The following MREG variants were observed in gnomAD, a reference collection of about 807,000 sequenced individuals.
MREG encodes dilute suppressor protein homolog.
A neutral mutation model predicts 28.5 loss-of-function variants in MREG; 31 were observed. That is an observed-to-expected ratio of 1.09 (90% CI 0.82 to 1.47). MREG has a LOEUF of 1.47. Among genes scored for constraint, MREG ranks in the 40% most tolerant of loss-of-function variants. The probability of loss-of-function intolerance (pLI) is 0.00; values close to 1 mark genes in which losing one functional copy is unlikely to be tolerated. For missense variants in MREG, 256 were observed against 257.4 expected (o/e 0.99, Z 0.04); for synonymous variants, 106 against 95.2 (o/e 1.11, Z -0.66).
intron 1 of MREG, among the ~76,000 whole-genome samples, chr2:216,022,243 C>T (rs1231508609): frequency 6.6e-6 from 1 of 152,070 alleles, no homozygotes. Context: ...AAGAGCAAAA[C>T]TCTGTCTCAA....
intron 1 of MREG, among the ~76,000 whole-genome samples, chr2:216,001,846 G>T (rs1352956439): frequency 2.0e-5 from 3 of 152,152 alleles, no homozygotes; most frequent in Non-Finnish European, 1.5e-5. Context: ...AACTAGAACA[G>T]AGAGAAGCCT....
At chr2:215,956,951 G>C (rs1366383254) in intron 2 of MREG, among the ~76,000 whole-genome samples, 12 of 152,110 alleles carry the variant, frequency 7.9e-5, no homozygotes, top group Non-Finnish European at 1.8e-4. Flanking sequence ...TCCATCTTAA[G>C]ATGAGGAAAC....
At chr2:215,976,695 A>G (rs891391535) in intron 2 of MREG, among the ~76,000 whole-genome samples, 1 of 152,230 alleles carries the variant, frequency 6.6e-6, no homozygotes. Flanking sequence ...CAGAAACTCT[A>G]CAAGCCAGAA....
At chr2:216,031,691 G>GAAGGAA (rs1473248845) in intron 1 of MREG, among the ~76,000 whole-genome samples, 26 of 61,160 alleles carry the variant, frequency 4.3e-4, no homozygotes, top group African/African-American at 1.5e-3. Flanking sequence ...AAGAAAGAAA[G>GAAGGAA]AGAAAGAAAG....
intron 2 of MREG, among the ~76,000 whole-genome samples, chr2:215,974,579 G>C (rs1285905861): frequency 6.6e-6 from 1 of 152,100 alleles, no homozygotes; most frequent in Non-Finnish European, 1.5e-5. Flanking sequence ...GGCAGGGCTA[G>C]GAGTGGTGGT....
At chr2:215,999,586 T>TTC (rs1693959203) in intron 1 of MREG, among the ~76,000 whole-genome samples, 1 of 152,210 alleles carries the variant, frequency 6.6e-6, no homozygotes, top group Admixed American at 6.5e-5. Flanking sequence ...AAAAATGGGG[T>TTC]TCTACTGCTA....
intron 3 of MREG, among the ~76,000 whole-genome samples, chr2:215,946,182 C>A (rs1692313630): frequency 1.3e-5 from 2 of 151,554 alleles, no homozygotes; most frequent in African/African-American, 2.4e-5. Flanking sequence ...AATCACTCAC[C>A]CAAAAGTATA....
At chr2:215,948,694 G>A (rs145815447) in intron 2 of MREG, among the ~76,000 whole-genome samples, 234 of 152,336 alleles carry the variant, frequency 1.5e-3, no homozygotes, top group African/African-American at 5.2e-3. Context: ...GAGCCTGAGT[G>A]TCTGGGTTTG....
chr2:215,954,079 C>T (rs1302299042), intron 2 of MREG, among the ~76,000 whole-genome samples: 22 of 152,132 alleles, frequency 1.4e-4, no homozygotes, highest in Admixed American at 2.6e-4. Context: ...TGGTGCCTCC[C>T]CTGAATTCTG....
At chr2:216,013,210 C>A in intron 1 of MREG, 23 bp downstream of exon 1, 1 of 1,547,114 alleles carries the variant, frequency 6.5e-7, no homozygotes, top group Non-Finnish European at 8.7e-7. Flanking sequence ...AAGCCCAGAT[C>A]CCGGCCCGGG....
chr2:215,941,551 T>C (rs1372143021), downstream of MREG: 2 of 152,188 alleles, frequency 1.3e-5, no homozygotes, highest in East Asian at 3.8e-4. Flanking sequence ...TAAATAACCA[T>C]AGGGACATCA....
rs1694362717 is a variant in MREG at position 216,013,275 on chromosome 2, C to T, written c.53G>A (p.Cys18Tyr). ...RTVCCCCGCE[C>Y]LEERALPEKE... is the part of the protein sequence containing the mutation. ...CTCAGGCAGGGCGCGCTCCTCCAAG[C>T]ACTCGCACCCGCAGCAGCAGCACAC... Residue 18 changes from cysteine to tyrosine, a missense_variant, in exon 1 of 5, where the codon TGC becomes TAC. Cys to Tyr is a radical substitution (Grantham distance 194). Transcript: ENST00000263268. 1 of 1,549,852 alleles carries T rather than the reference C, an allele frequency of 6.5e-7. No individual in the cohort carries two copies. Among genetic ancestry groups the T allele is most frequent in the African/African-American group, 1.4e-5 (1 of 73,132 alleles).
intron 2 of MREG, among the ~76,000 whole-genome samples, chr2:215,988,058 A>G (rs1693623010): frequency 2.0e-5 from 3 of 152,190 alleles, no homozygotes; most frequent in Non-Finnish European, 4.4e-5. Context: ...GTTCCTCTAC[A>G]GTCGAGCCTG....
At chr2:215,995,499 C>T (rs541894483) in intron 2 of MREG, among the ~76,000 whole-genome samples, 2 of 139,968 alleles carry the variant, frequency 1.4e-5, no homozygotes, top group Non-Finnish European at 3.0e-5. Flanking sequence ...ACAGCACCTC[C>T]ACCCACCCCA....
At chr2:215,951,170 C>T (rs567482729) in intron 2 of MREG, among the ~76,000 whole-genome samples, 3 of 152,268 alleles carry the variant, frequency 2.0e-5, no homozygotes, top group East Asian at 3.9e-4. Flanking sequence ...TCATAAATTA[C>T]CCAGCCTCAG....
At chr2:216,030,950 T>TCA (rs1471714167) in intron 1 of MREG, among the ~76,000 whole-genome samples, 21 of 96,234 alleles carry the variant, frequency 2.2e-4, no homozygotes, top group Middle Eastern at 5.0e-3. Context: ...TCTCTCTCTC[T>TCA]CTCTCTCACA....
At chr2:215,997,073 G>T (rs1446451689) in intron 1 of MREG, among the ~76,000 whole-genome samples, 1 of 152,156 alleles carries the variant, frequency 6.6e-6, no homozygotes, top group African/African-American at 2.4e-5. Flanking sequence ...GAGCCACCGC[G>T]CCCAGCCAGG....
chr2:215,948,122 A>G (rs1179815453), intron 2 of MREG, among the ~76,000 whole-genome samples: 3 of 152,226 alleles, frequency 2.0e-5, no homozygotes, highest in Non-Finnish European at 4.4e-5. Context: ...AAATGTTTCA[A>G]TGATGCCATT....
chr2:216,014,416 C>T (rs1022060718), upstream of MREG, among the ~76,000 whole-genome samples: 1 of 152,140 alleles, frequency 6.6e-6, no homozygotes, highest in Non-Finnish European at 1.5e-5. Flanking sequence ...GTTGGGAGGC[C>T]GACGCGGGCG....
Sources: allele counts gnomAD v4.1 joint callset (sites outside exome capture counted in the v4.1 genomes callset), GRCh38; gene constraint gnomAD v4.1.1; transcripts MANE v1.5; gene names NCBI Gene and HGNC (gene_info 2026-07-23, HGNC 2026-07-21).